The following KIF6 variants were observed in gnomAD, a reference collection of about 807,000 sequenced individuals.
KIF6 encodes the protein kinesin family member 6, also known as kinesin-like protein KIF6.
In KIF6, 106 loss-of-function variants were observed where a neutral mutation model predicts 112.7. The observed-to-expected ratio is 0.94, with a 90% CI of 0.80 to 1.11. KIF6 has a LOEUF of 1.11. KIF6 is among the 50% of genes least tolerant of loss of function. KIF6 has a pLI of 0.00. For missense variants in KIF6, 929 were observed against 964.0 expected (o/e 0.96, Z 0.48); for synonymous variants, 339 against 339.9 (o/e 1.00, Z 0.03).
intron 10 of KIF6, among the ~76,000 whole-genome samples, chr6:39,558,034 TCAGAG>T (rs1417108058): frequency 2.6e-5 from 4 of 151,596 alleles, no homozygotes; most frequent in Non-Finnish European, 4.4e-5. Flanking sequence ...CTCACAACTC[TCAGAG>T]CAAAGTTTAA....
intron 15 of KIF6, among the ~76,000 whole-genome samples, chr6:39,416,885 C>A (rs748001474): frequency 6.6e-6 from 1 of 152,136 alleles, no homozygotes; most frequent in African/African-American, 2.4e-5. Context: ...AGGCCAATTA[C>A]GTGTGTACCC....
At chr6:39,555,579 C>T (rs1386646189) in intron 10 of KIF6, among the ~76,000 whole-genome samples, 2 of 152,108 alleles carry the variant, frequency 1.3e-5, no homozygotes, top group Non-Finnish European at 2.9e-5. Flanking sequence ...GCCTAACCTC[C>T]CACGGTCCCA....
intron 14 of KIF6, among the ~76,000 whole-genome samples, chr6:39,427,279 C>T (rs566424012): frequency 6.6e-6 from 1 of 152,304 alleles, no homozygotes; most frequent in South Asian, 2.1e-4. Flanking sequence ...GCCCGGGTTA[C>T]TGGAAGGGCA....
intron 13 of KIF6, among the ~76,000 whole-genome samples, chr6:39,529,269 C>T (rs1777910201): frequency 1.3e-5 from 2 of 151,924 alleles, no homozygotes; most frequent in African/African-American, 2.4e-5. Flanking sequence ...TAGATTTGAC[C>T]CAGAAAGTGT....
intron 19 of KIF6, among the ~76,000 whole-genome samples, chr6:39,350,620 C>A (rs1672066470): frequency 6.6e-6 from 1 of 152,162 alleles, no homozygotes; most frequent in African/African-American, 2.4e-5. Context: ...AACAGCGAAT[C>A]CTTCACGTGA....
chr6:39,478,865 T>G (rs951654411), intron 13 of KIF6, among the ~76,000 whole-genome samples: 2 of 150,892 alleles, frequency 1.3e-5, no homozygotes, highest in Non-Finnish European at 2.9e-5. Flanking sequence ...GTGTTGAGCA[T>G]TTTTTTCATA....
At chr6:39,337,172 C>CTTCCTTTCTTTCT (rs1554195076) in intron 22 of KIF6, among the ~76,000 whole-genome samples, 4 of 59,520 alleles carry the variant, frequency 6.7e-5, no homozygotes, top group Non-Finnish European at 1.2e-4. Context: ...TCTTTCCTTC[C>CTTCCTTTCTTTCT]TTCTTTCTTT....
intron 3 of KIF6, among the ~76,000 whole-genome samples, chr6:39,668,110 A>AG (rs35588263): frequency 0.54 from 82,784 of 152,018 alleles, 25,678 homozygotes; most frequent in Non-Finnish European, 0.68. Context: ...TCTCACCAAA[A>AG]GCAGATGCCG....
chr6:39,428,289 G>A (rs909904495), intron 14 of KIF6, among the ~76,000 whole-genome samples: 2 of 152,288 alleles, frequency 1.3e-5, no homozygotes, highest in East Asian at 1.9e-4. Flanking sequence ...GAAGCCTCTC[G>A]TATAGACATG....
intron 3 of KIF6, among the ~76,000 whole-genome samples, chr6:39,667,630 A>G (rs1483944040): frequency 1.3e-5 from 2 of 152,210 alleles, no homozygotes; most frequent in Non-Finnish European, 2.9e-5. Flanking sequence ...GCACCCATAC[A>G]TATCTCCTTA....
chr6:39,665,316 T>C (rs770747727), intron 3 of KIF6, among the ~76,000 whole-genome samples: 1 of 152,206 alleles, frequency 6.6e-6, no homozygotes, highest in African/African-American at 2.4e-5. Context: ...TGTTTTTGCA[T>C]ACATGCACAA....
At chr6:39,434,845 G>A (rs1268926756) in intron 13 of KIF6, among the ~76,000 whole-genome samples, 1 of 152,124 alleles carries the variant, frequency 6.6e-6, no homozygotes, top group Non-Finnish European at 1.5e-5. Context: ...GGCAGAGATG[G>A]AGTGTGGATT....
intron 5 of KIF6, among the ~76,000 whole-genome samples, chr6:39,632,368 G>T (rs1231655857): frequency 6.6e-6 from 1 of 152,022 alleles, no homozygotes; most frequent in Non-Finnish European, 1.5e-5. Context: ...GATAAAATGG[G>T]TATATTGCCA....
At chr6:39,337,227 CTTT>C (rs1763067366) in intron 22 of KIF6, among the ~76,000 whole-genome samples, 9 of 94,900 alleles carry the variant, frequency 9.5e-5, no homozygotes, top group African/African-American at 5.8e-4. Context: ...TTCTTTCTTT[CTTT>C]CTTTCTTTTT....
chr6:39,585,575 G>A (rs1191219268), intron 8 of KIF6, among the ~76,000 whole-genome samples: 1 of 152,266 alleles, frequency 6.6e-6, no homozygotes, highest in African/African-American at 2.4e-5. Flanking sequence ...AGTGGCAGCT[G>A]GTATAGTATG....
intron 13 of KIF6, among the ~76,000 whole-genome samples, chr6:39,489,862 T>C (rs1211644276): frequency 2.0e-5 from 3 of 152,194 alleles, no homozygotes; most frequent in African/African-American, 7.2e-5. Flanking sequence ...CTCCAGGGAA[T>C]GACAGAGAGC....
At chr6:39,524,914 T>G (rs950206305) in intron 13 of KIF6, among the ~76,000 whole-genome samples, 2 of 152,168 alleles carry the variant, frequency 1.3e-5, no homozygotes, top group South Asian at 2.1e-4. Context: ...AATAATCCAC[T>G]GGCAAAGTAA....
intron 11 of KIF6, among the ~76,000 whole-genome samples, chr6:39,545,285 A>T (rs1779006439): frequency 6.6e-6 from 1 of 152,234 alleles, no homozygotes; most frequent in Non-Finnish European, 1.5e-5. Context: ...TACAGAATGC[A>T]ATTCTCTTGA....
intron 14 of KIF6, among the ~76,000 whole-genome samples, chr6:39,426,213 T>C (rs1465663494): frequency 6.6e-6 from 1 of 152,238 alleles, no homozygotes; most frequent in African/African-American, 2.4e-5. Flanking sequence ...GGATGAGTCA[T>C]GCCTGGAAAA....
Sources: gnomAD v4.1 joint callset for allele counts (sites outside exome capture counted in the v4.1 genomes callset) on GRCh38, gnomAD v4.1.1 for gene constraint, MANE v1.5 for transcripts, NCBI Gene and HGNC (gene_info 2026-07-23, HGNC 2026-07-21) for gene names.